AFDN: variants seen among roughly 807,000 people sequenced by gnomAD.
AFDN encodes afadin.
In AFDN, 68 loss-of-function variants were observed where a neutral mutation model predicts 216.6. That is an observed-to-expected ratio of 0.31 (90% CI 0.26 to 0.38). AFDN has a LOEUF of 0.38. AFDN is among the 10% of genes least tolerant of loss of function. The pLI is 1.00. For synonymous variants in AFDN, 868 were observed against 853.7 expected, an observed-to-expected ratio of 1.02 and a Z score of -0.29; for missense variants, 2,136 against 2,342.0, an observed-to-expected ratio of 0.91 and a Z score of 1.82.
Position 167,902,380 on chromosome 6 carries a change from A to G in AFDN, c.1644A>G (p.Thr548=). 1.9e-6 allele frequency: 3 copies of G among 1,610,794 alleles called. No individual in the cohort carries two copies. In the South Asian group the frequency reaches 3.3e-5, roughly 18 times the overall value. ...TTCATAGTGGGACAGCATTACCGACAAGCAAGGTAGGTAATTATGGATTAC... is the reference window on the plus strand; with the variant it reads ...TTCATAGTGGGACAGCATTACCGACGAGCAAGGTAGGTAATTATGGATTAC... The part of the protein sequence containing the change: ...GDIHSGTALP[T]SKSTTRLDSD... The change falls in exon 12 of 34, where the codon ACA becomes ACG. Residue 548 remains threonine, a synonymous_variant. Coordinates refer to ENST00000683244, the MANE Select transcript of AFDN (RefSeq NM_001386888.1).
At chr6:167,837,267 T>C (rs1780550657) in intron 1 of AFDN, among the ~76,000 whole-genome samples, 1 of 152,196 alleles carries the variant, frequency 6.6e-6, no homozygotes, top group South Asian at 2.1e-4. Context: ...AAAAAATATT[T>C]GCTTCTTTCC....
At chr6:167,868,214 T>C (rs919905674) in intron 2 of AFDN, among the ~76,000 whole-genome samples, 5 of 152,166 alleles carry the variant, frequency 3.3e-5, no homozygotes, top group Admixed American at 3.3e-4. Context: ...TTTCCAGAGA[T>C]AGTATCTGTA....
intron 1 of AFDN, among the ~76,000 whole-genome samples, chr6:167,847,548 T>G (rs977336622): frequency 2.0e-5 from 3 of 152,194 alleles, no homozygotes; most frequent in Non-Finnish European, 4.4e-5. Flanking sequence ...ATTGCTAATG[T>G]CCACAGCCTG....
At chr6:167,964,190 C>T (rs2128752994) in intron 31 of AFDN, 2 of 1,063,804 alleles carry the variant, frequency 1.9e-6, no homozygotes, top group Non-Finnish European at 2.3e-6. Context: ...TGTAAAAAGG[C>T]GAATAACCTA....
chr6:167,964,166 A>G (rs1266308990), intron 31 of AFDN: 4 of 1,063,748 alleles, frequency 3.8e-6, no homozygotes, highest in Non-Finnish European at 4.6e-6. Flanking sequence ...CTGCTTCTAT[A>G]ATTAAGTGGT....
chr6:167,904,734 G>C (rs1193470726), intron 12 of AFDN, among the ~76,000 whole-genome samples: 1 of 152,196 alleles, frequency 6.6e-6, no homozygotes, highest in East Asian at 1.9e-4. Flanking sequence ...TGCATGCAGG[G>C]GTTCGTTCCT....
chr6:167,827,225 C>G lies in AFDN; in HGVS notation c.93C>G (p.Ser31Arg). The change falls in exon 1 of 34, where the codon AGC becomes AGG. Residue 31 changes from serine to arginine, a missense_variant. This residue lies in a region of AFDN where 81 missense variants were observed against 51.2 expected (regional missense o/e 1.58). Coordinates refer to ENST00000683244, the MANE Select transcript of AFDN (RefSeq NM_001386888.1). ...ACCGGCTGGACCTGTTCGAGATCAG[C>G]CAGCCGACCGAGGTGAGCACCGCCG... is the stretch of plus-strand genomic sequence containing the variant. ...NANRLDLFEI[S>R]QPTEDLEFHG... 8.2e-7 allele frequency: 1 copy of G among 1,218,762 alleles called. No individual in the cohort carries two copies. Among genetic ancestry groups the G allele is most frequent in the Non-Finnish European group, 1.1e-6 (1 of 947,188 alleles). The allele number at this position is 1,218,762 out of a possible 1,614,324, so 75.5% of individuals were successfully genotyped here.
intron 4 of AFDN, among the ~76,000 whole-genome samples, chr6:167,872,984 C>T (rs187172523): frequency 6.6e-6 from 1 of 152,168 alleles, no homozygotes; most frequent in African/African-American, 2.4e-5. Flanking sequence ...TAGACTTTCC[C>T]CTTAATGTGG....
intron 31 of AFDN, chr6:167,964,243 A>T: frequency 9.4e-7 from 1 of 1,064,166 alleles, no homozygotes; most frequent in Non-Finnish European, 1.1e-6. Context: ...TTGCTTTGTT[A>T]TAGAAAAATG....
At chr6:167,967,972 A>G (rs1797723655) in intron 32 of AFDN, among the ~76,000 whole-genome samples, 1 of 152,174 alleles carries the variant, frequency 6.6e-6, no homozygotes, top group Non-Finnish European at 1.5e-5. Context: ...ATAGCACTGT[A>G]TGAAAGATTC....
chr6:167,970,241 G>A lies in AFDN; in HGVS notation c.*306G>A. 5 of 319,776 alleles carry A rather than the reference G, an allele frequency of 1.6e-5. No homozygotes were observed. Among genetic ancestry groups the A allele is most frequent in the Non-Finnish European group, 2.8e-5 (5 of 176,038 alleles). 19.8% of individuals were successfully genotyped at this position (319,776 alleles called of 1,614,324 possible). Reference sequence around the variant, plus strand: ...GAGTTCAAAGGGGACAGAACTAAGGGCAGGAGAAGAGAATGGATGTGTCTT... The same window carrying A: ...GAGTTCAAAGGGGACAGAACTAAGGACAGGAGAAGAGAATGGATGTGTCTT... On this transcript the variant is annotated 3_prime_UTR_variant, in exon 34 of 34. Transcript: ENST00000683244.
intron 27 of AFDN, among the ~76,000 whole-genome samples, chr6:167,947,363 T>G (rs565445390): frequency 1.2e-4 from 18 of 152,196 alleles, no homozygotes; most frequent in Admixed American, 2.6e-4. Flanking sequence ...GTATTTTTAG[T>G]AGAGACGGGG....
chr6:167,875,514 T>C lies in AFDN; in HGVS notation c.739+19T>C. 6.2e-7 allele frequency: 1 copy of C among 1,612,256 alleles called. No homozygotes were observed. ...GATTCAGGTACAACTTGGTATTTTT[T>C]CTCTGTTCTACCTGTTACAAAGAGC... On this transcript the variant is annotated intron_variant, in intron 5 of 33. Transcript: ENST00000683244.
intron 6 of AFDN, among the ~76,000 whole-genome samples, chr6:167,882,621 G>A (rs1786269215): frequency 6.6e-6 from 1 of 152,122 alleles, no homozygotes; most frequent in African/African-American, 2.4e-5. Flanking sequence ...TTCCAGCCTG[G>A]GCGATGGAGC....
Position 167,858,442 on chromosome 6 carries a change from C to T in AFDN, c.106-6109C>T, listed in dbSNP as rs545855582. 2.4e-3 allele frequency among the ~76,000 whole-genome samples: 373 copies of T among 152,258 alleles called. 1 individual carries two copies. Among genetic ancestry groups the T allele is most frequent in the African/African-American group, 8.7e-3 (361 of 41,566 alleles). The stretch of plus-strand genomic sequence containing the variant: ...TCATAAAAAGGGAGATCTGTGCAAT[C>T]GTGTGCTTTCTCTCTGTTTTGTTAG... On this transcript the variant is annotated intron_variant, in intron 1 of 33. Coordinates refer to ENST00000683244, the MANE Select transcript of AFDN (RefSeq NM_001386888.1).
chr6:167,963,611 A>G, intron 31 of AFDN: 1 of 1,058,656 alleles, frequency 9.4e-7, no homozygotes. Context: ...TGAATAATGT[A>G]AGGACACTCA....
intron 31 of AFDN, chr6:167,964,776 T>G: frequency 9.4e-7 from 1 of 1,066,204 alleles, no homozygotes; most frequent in Non-Finnish European, 1.1e-6. Context: ...TGAACAAATT[T>G]ACAATTCATT....
intron 1 of AFDN, among the ~76,000 whole-genome samples, chr6:167,835,618 G>C (rs1046060166): frequency 6.6e-6 from 1 of 152,122 alleles, no homozygotes; most frequent in Non-Finnish European, 1.5e-5. Flanking sequence ...AAGTTTGCAT[G>C]GTAGTAAAAA....
intron 23 of AFDN, among the ~76,000 whole-genome samples, chr6:167,926,455 T>C (rs1412719474): frequency 6.6e-6 from 1 of 152,210 alleles, no homozygotes; most frequent in Non-Finnish European, 1.5e-5. Flanking sequence ...TTTTTATGTT[T>C]TAAAAGAGGC....
Sources: gnomAD v4.1 joint callset for allele counts (sites outside exome capture counted in the v4.1 genomes callset) on GRCh38, gnomAD v4.1.1 for gene constraint, gnomAD v4.1.1 regional missense constraint, MANE v1.5 for transcripts, NCBI Gene and HGNC (gene_info 2026-07-23, HGNC 2026-07-21) for gene names.